Variants in ATP10B observed in about 807,000 individuals in gnomAD.
ATP10B encodes ATPase phospholipid transporting 10B (putative).
Under a neutral mutation model 141.2 loss-of-function variants are expected in ATP10B, and 122 were observed. That is an observed-to-expected ratio of 0.86 (90% CI 0.75 to 1.00). ATP10B has a LOEUF of 1.00. Among genes scored for constraint, ATP10B ranks in the 50% least tolerant of loss-of-function variants. ATP10B has a pLI of 0.00. For missense variants in ATP10B, 1,876 were observed against 1,825.3 expected, an observed-to-expected ratio of 1.03 and a Z score of -0.51; for synonymous variants, 685 against 692.0, an observed-to-expected ratio of 0.99 and a Z score of 0.16.
intron 2 of ATP10B, among the ~76,000 whole-genome samples, chr5:160,768,260 T>C (rs1020930078): frequency 3.9e-5 from 6 of 152,210 alleles, no homozygotes; most frequent in Non-Finnish European, 5.9e-5. Flanking sequence ...TTTCTAGAAG[T>C]CACGTGGCAT....
chr5:160,833,418 TA>T (rs1299550449), intron 1 of ATP10B, among the ~76,000 whole-genome samples: 2 of 152,164 alleles, frequency 1.3e-5, no homozygotes, highest in Non-Finnish European at 2.9e-5. Context: ...AGTTATAGAT[TA>T]GATGATTAGA....
At chr5:160,820,271 TAAAG>T (rs1773999500) in intron 1 of ATP10B, among the ~76,000 whole-genome samples, 4 of 151,326 alleles carry the variant, frequency 2.6e-5, no homozygotes, top group Admixed American at 2.6e-4. Context: ...CATTGGAAAA[TAAAG>T]AAGAAATGAA....
intron 1 of ATP10B, among the ~76,000 whole-genome samples, chr5:160,802,845 C>T (rs1772479624): frequency 6.6e-6 from 1 of 152,176 alleles, no homozygotes; most frequent in African/African-American, 2.4e-5. Context: ...TTCTTCTCAT[C>T]TTTCTCTTGC....
At chr5:160,886,473 G>A in the ATP10B span, among the ~76,000 whole-genome samples, 1 of 152,156 alleles carries the variant, frequency 6.6e-6, no homozygotes, top group Non-Finnish European at 1.5e-5. Context: ...TATTGGTGAG[G>A]GGAAGTAACA....
At chr5:160,632,467 G>A in intron 12 of ATP10B, 100 bp from the exon 13 acceptor site, 3 of 1,102,418 alleles carry the variant, frequency 2.7e-6, no homozygotes, top group Non-Finnish European at 4.0e-6. Flanking sequence ...AGCATGGGAA[G>A]GGCCTATGCT....
chr5:160,875,008 C>A, the ATP10B span, among the ~76,000 whole-genome samples: 1 of 101,962 alleles, frequency 9.8e-6, no homozygotes, highest in Non-Finnish European at 2.1e-5. Flanking sequence ...GGCAGGCCAA[C>A]GTTCAGATTC....
At chr5:160,891,391 C>CCT in the ATP10B span, among the ~76,000 whole-genome samples, 2 of 152,200 alleles carry the variant, frequency 1.3e-5, no homozygotes, top group African/African-American at 2.4e-5. Context: ...CTGACCTTCT[C>CCT]CTTCCAATGC....
the ATP10B span, among the ~76,000 whole-genome samples, chr5:160,886,071 G>A: frequency 6.6e-6 from 1 of 152,190 alleles, no homozygotes. Flanking sequence ...GAATGTTTGA[G>A]CACCTACCAG....
intron 8 of ATP10B, among the ~76,000 whole-genome samples, chr5:160,647,503 G>A (rs972661295): frequency 6.6e-6 from 1 of 152,184 alleles, no homozygotes; most frequent in African/African-American, 2.4e-5. Flanking sequence ...GTGAAGCTGG[G>A]AGAGTTCTGT....
intron 1 of ATP10B, among the ~76,000 whole-genome samples, chr5:160,807,681 T>A (rs141898430): frequency 6.6e-6 from 1 of 152,186 alleles, no homozygotes; most frequent in Admixed American, 6.5e-5. Flanking sequence ...AACTGAACAC[T>A]CTCTGTATCC....
chr5:160,746,564 G>A (rs950873014), intron 2 of ATP10B, among the ~76,000 whole-genome samples: 1 of 151,812 alleles, frequency 6.6e-6, no homozygotes, highest in Non-Finnish European at 1.5e-5. Context: ...GCTAATTTTG[G>A]TATTTTTAGT....
At chr5:160,859,484 T>C in the ATP10B span, among the ~76,000 whole-genome samples, 1 of 151,848 alleles carries the variant, frequency 6.6e-6, no homozygotes, top group African/African-American at 2.4e-5. Flanking sequence ...AATCTGTAAA[T>C]TCAAAGCACA....
the ATP10B span, among the ~76,000 whole-genome samples, chr5:160,885,402 C>T: frequency 5.3e-5 from 8 of 152,284 alleles, no homozygotes; most frequent in Non-Finnish European, 1.2e-4. Context: ...GTGTCTTCTC[C>T]CCAGATGTAT....
intron 6 of ATP10B, among the ~76,000 whole-genome samples, chr5:160,673,645 A>T (rs1353439975): frequency 6.6e-6 from 1 of 151,406 alleles, no homozygotes; most frequent in East Asian, 1.9e-4. Context: ...TCCCTGTGCC[A>T]TTTTGGAAAT....
the ATP10B span, among the ~76,000 whole-genome samples, chr5:160,888,126 C>G: frequency 6.6e-6 from 1 of 152,238 alleles, no homozygotes; most frequent in Admixed American, 6.5e-5. Flanking sequence ...AGTTGTTACA[C>G]AGGTCAAAAG....
intron 1 of ATP10B, among the ~76,000 whole-genome samples, chr5:160,792,202 T>C (rs762440188): frequency 2.6e-5 from 4 of 152,170 alleles, no homozygotes; most frequent in Admixed American, 1.3e-4. Flanking sequence ...TATGTGAGCG[T>C]ATTTACTGCC....
the ATP10B span, among the ~76,000 whole-genome samples, chr5:160,904,115 A>G: frequency 6.6e-6 from 1 of 151,948 alleles, no homozygotes; most frequent in Non-Finnish European, 1.5e-5. Flanking sequence ...CAGGCAAGGA[A>G]GAGGCTAGTG....
chr5:160,687,859 G>T lies in ATP10B; in HGVS notation c.216C>A (p.Cys72Ter), dbSNP rs756165458. 1.9e-6 allele frequency: 3 copies of T among 1,614,050 alleles called. No homozygotes were observed. The highest frequency in any genetic ancestry group is 1.3e-5 in the African/African-American group (1 of 74,922). ...AGGTGAAGAGGGTGTATTTGGTTGT[G>T]CAGGTTCTGTTGCCAGGGTATCTCC... is the stretch of plus-strand genomic sequence containing the variant. ...VSRRYPGNRT[C>*]TTKYTLFTFL... Residue 72 changes from cysteine (C) to a stop codon, truncating the protein, a stop_gained, in exon 5 of 26, where the codon TGC (cysteine) becomes TGA (stop). Coordinates refer to ENST00000327245, the MANE Select transcript of ATP10B (RefSeq NM_025153.3). LOFTEE classifies it high-confidence loss of function.
At chr5:160,909,278 C>A in the ATP10B span, among the ~76,000 whole-genome samples, 1 of 152,102 alleles carries the variant, frequency 6.6e-6, no homozygotes, top group African/African-American at 2.4e-5. Context: ...AAGACACAGC[C>A]AATGCTGTGT....
Sources: allele counts gnomAD v4.1 joint callset (sites outside exome capture counted in the v4.1 genomes callset), GRCh38; gene constraint gnomAD v4.1.1; transcripts MANE v1.5; gene names NCBI Gene and HGNC (gene_info 2026-07-23, HGNC 2026-07-21).